The following FGF13 variants were observed in gnomAD, a reference collection of about 807,000 sequenced individuals.
FGF13 encodes the protein fibroblast growth factor 13.
A neutral mutation model predicts 19.5 loss-of-function variants in FGF13; 2 were observed. The ratio of observed to expected loss-of-function variants is 0.10; its 90% CI spans 0.04 to 0.32. FGF13 has a LOEUF of 0.32. Among genes scored for constraint, FGF13 ranks in the 10% least tolerant of loss-of-function variants. The pLI is 1.00. For synonymous variants in FGF13, 72 were observed against 76.9 expected, an observed-to-expected ratio of 0.94 and a Z score of 0.33; for missense variants, 113 against 192.7, an observed-to-expected ratio of 0.59 and a Z score of 2.45.
At chrX:138,634,205 T>C (rs1394948989) in intron 4 of FGF13, among the ~76,000 whole-genome samples, 2 of 111,907 alleles carry the variant, frequency 1.8e-5, no homozygotes, top group Non-Finnish European at 3.8e-5. Flanking sequence ...TTTTTTCTTT[T>C]GTTTTTTGAA....
chrX:138,802,325 G>A (rs902968030), intron 3 of FGF13, among the ~76,000 whole-genome samples: 6 of 110,801 alleles, frequency 5.4e-5, no homozygotes, highest in Admixed American at 9.6e-5. Context: ...AGTCCCTCAC[G>A]GCTTCCCTTG....
At chrX:138,760,175 T>G (rs1001961131) in intron 3 of FGF13, among the ~76,000 whole-genome samples, 2 of 111,369 alleles carry the variant, frequency 1.8e-5, no homozygotes, top group Non-Finnish European at 3.8e-5. Context: ...CCCAGATCGA[T>G]GTTATTTATA....
At chrX:138,751,040 C>A (rs2090394388) in intron 3 of FGF13, among the ~76,000 whole-genome samples, 1 of 111,038 alleles carries the variant, frequency 9.0e-6, no homozygotes, top group African/African-American at 3.3e-5. Flanking sequence ...GAAGGGCCTC[C>A]TGAGAGTTCA....
rs2090044701 is a variant in FGF13 at position 138,711,313 on chromosome X, T to C, written c.-310A>G. 1.1e-5 allele frequency: 10 copies of C among 872,342 alleles called. No individual in the cohort carries two copies. The highest frequency in any genetic ancestry group is 1.1e-5 in the Non-Finnish European group (8 of 714,352). 71.9% of individuals were successfully genotyped at this position (872,342 alleles called of 1,213,427 possible). On this transcript the variant is annotated 5_prime_UTR_variant, in exon 1 of 5. Coordinates refer to ENST00000315930, the MANE Select transcript of FGF13 (RefSeq NM_004114.5). ...GCGGATGCTGAACTGCGCGACTGCGTGTGGTCGGCCCCTGCGCCCGGCGGA... is the reference window on the plus strand; with the variant it reads ...GCGGATGCTGAACTGCGCGACTGCGCGTGGTCGGCCCCTGCGCCCGGCGGA...
At chrX:138,811,173 T>C (rs1282861026) in intron 3 of FGF13, among the ~76,000 whole-genome samples, 9 of 111,729 alleles carry the variant, frequency 8.1e-5, no homozygotes, top group Non-Finnish European at 1.7e-4. Context: ...CTATTCACAA[T>C]AGCAAAGACT....
Position 138,864,010 on chromosome X carries a change from C to A in FGF13, c.-39+567G>T, listed in dbSNP as rs145999357. Among the ~76,000 whole-genome samples the A allele has an allele frequency of 7.8e-3, 870 of 111,809 alleles. 12 individuals carry two copies. Among genetic ancestry groups the A allele is most frequent in the African/African-American group, 0.027 (844 of 30,796 alleles). ...TCCATTGTAGGATGTTGAGCTGTAT[C>A]CCTAGCCTCTACTCACTAGATGCCA... On this transcript the variant is annotated intron_variant, in intron 2 of 2. Coordinates refer to the FGF13 transcript ENST00000421460.
Position 138,621,416 on chromosome X carries a change from G to A in FGF13, c.*11434C>T, listed in dbSNP as rs1489184166. 2.7e-5 allele frequency: 3 copies of A among 110,614 alleles called. No homozygotes were observed. Among genetic ancestry groups the A allele is most frequent in the African/African-American group, 9.8e-5 (3 of 30,467 alleles). The allele number at this position is 110,614 out of a possible 1,213,427, so 9.1% of individuals were successfully genotyped here. Reference sequence around the variant, plus strand: ...TTTAAAAAACTTGAGACAAACAAAAGTGGAAAAACAACATACCAAAATATA... The same window carrying A: ...TTTAAAAAACTTGAGACAAACAAAAATGGAAAAACAACATACCAAAATATA... On this transcript the variant is annotated 3_prime_UTR_variant, in exon 5 of 5. Coordinates refer to ENST00000315930, the MANE Select transcript of FGF13 (RefSeq NM_004114.5).
chrX:138,708,382 T>C (rs1434064212), intron 2 of FGF13, among the ~76,000 whole-genome samples: 2 of 111,823 alleles, frequency 1.8e-5, no homozygotes, highest in East Asian at 5.6e-4. Context: ...TCAGTGTGTG[T>C]GTGGAGCAGG....
chrX:139,148,363 T>C (rs1188834126), intron 1 of FGF13, among the ~76,000 whole-genome samples: 1 of 111,536 alleles, frequency 9.0e-6, no homozygotes, highest in African/African-American at 3.3e-5. Flanking sequence ...AATTGCTTCC[T>C]TACACTTAGG....
intron 3 of FGF13, among the ~76,000 whole-genome samples, chrX:138,850,678 G>C (rs1246548040): frequency 8.9e-6 from 1 of 112,031 alleles, no homozygotes; most frequent in African/African-American, 3.2e-5. Flanking sequence ...GAAATAAAAA[G>C]GTTGAGAACA....
chrX:139,080,792 G>T (rs2083365501), intron 1 of FGF13, among the ~76,000 whole-genome samples: 1 of 110,875 alleles, frequency 9.0e-6, no homozygotes, highest in Non-Finnish European at 1.9e-5. Context: ...ATTTCAGTGA[G>T]GAAATAGAAG....
intron 3 of FGF13, among the ~76,000 whole-genome samples, chrX:138,769,615 C>CCA (rs1308569573): frequency 8.9e-6 from 1 of 112,322 alleles, no homozygotes; most frequent in East Asian, 2.8e-4. Flanking sequence ...TACCTTAAGA[C>CCA]CACAGTTTCT....
At chrX:139,092,285 G>A (rs1471577530) in intron 1 of FGF13, among the ~76,000 whole-genome samples, 1 of 112,297 alleles carries the variant, frequency 8.9e-6, no homozygotes, top group African/African-American at 3.2e-5. Flanking sequence ...TCACTAAATA[G>A]CTTCTGATTA....
At chrX:139,099,580 C>T (rs1468362224) in intron 1 of FGF13, among the ~76,000 whole-genome samples, 2 of 109,989 alleles carry the variant, frequency 1.8e-5, no homozygotes, top group Non-Finnish European at 1.9e-5. Flanking sequence ...CTTTATGTTA[C>T]TGTCCTCTCC....
At chrX:139,008,585 A>T (rs1423354992) in intron 1 of FGF13, among the ~76,000 whole-genome samples, 1 of 111,983 alleles carries the variant, frequency 8.9e-6, no homozygotes, top group Non-Finnish European at 1.9e-5. Flanking sequence ...GGGTGGCTAG[A>T]CCCAGAAAGG....
intron 3 of FGF13, among the ~76,000 whole-genome samples, chrX:138,671,734 T>C (rs1415127915): frequency 9.1e-6 from 1 of 110,042 alleles, no homozygotes; most frequent in Non-Finnish European, 1.9e-5. Context: ...ACAAACAATA[T>C]ACAAATAGGC....
At chrX:138,821,653 G>A (rs746586929) in intron 3 of FGF13, among the ~76,000 whole-genome samples, 8 of 111,513 alleles carry the variant, frequency 7.2e-5, no homozygotes, top group African/African-American at 9.8e-5. Flanking sequence ...TCAAAATTAC[G>A]TTCACCAGTT....
chrX:139,131,542 C>T (rs1422357984), intron 1 of FGF13, among the ~76,000 whole-genome samples: 1 of 110,652 alleles, frequency 9.0e-6, no homozygotes, highest in Non-Finnish European at 1.9e-5. Flanking sequence ...TCAAGACCAA[C>T]TGGGGCAATA....
intron 1 of FGF13, among the ~76,000 whole-genome samples, chrX:139,032,360 G>A (rs2092230244): frequency 9.0e-6 from 1 of 111,350 alleles, no homozygotes; most frequent in African/African-American, 3.3e-5. Context: ...TAAAACCTTT[G>A]GGATTCCTTC....
Sources: allele counts gnomAD v4.1 joint callset (sites outside exome capture counted in the v4.1 genomes callset), GRCh38; gene constraint gnomAD v4.1.1; transcripts MANE v1.5; gene names NCBI Gene and HGNC (gene_info 2026-07-23, HGNC 2026-07-21).